The following BEND6 variants were observed in gnomAD, a reference collection of about 807,000 sequenced individuals.
The protein encoded by BEND6 is BEN domain containing 6.
Under a neutral mutation model 31.8 loss-of-function variants are expected in BEND6, and 24 were observed. The observed-to-expected ratio is 0.75, with a 90% CI of 0.55 to 1.06. The LOEUF (loss-of-function observed/expected upper bound fraction) is 1.06. Among genes scored for constraint, BEND6 ranks in the 50% least tolerant of loss-of-function variants. The pLI is 0.00. For missense variants in BEND6, 294 were observed against 327.4 expected (o/e 0.90, Z 0.79); for synonymous variants, 109 against 114.6 (o/e 0.95, Z 0.31).
chr6:57,003,712 G>GCAAAGA (rs1421026423), intron 3 of BEND6, among the ~76,000 whole-genome samples: 2 of 152,074 alleles, frequency 1.3e-5, no homozygotes, highest in Non-Finnish European at 2.9e-5. Flanking sequence ...CCAAAACTTT[G>GCAAAGA]CAAAGACACA....
In BEND6 at chr6:57,025,925, G is replaced by T. The variant is rs544178141; in HGVS notation, c.*10-157G>T. 3.7e-4 allele frequency among the ~76,000 whole-genome samples: 57 copies of T among 152,090 alleles called. 1 individual carries two copies. The highest frequency in any genetic ancestry group is 1.3e-3 in the African/African-American group (52 of 41,482). Reference sequence around the variant, plus strand: ...CTGTGATAGGGAGTGAAGCCAGCTTGCTTCTACACTGCTATTTTGGAACCA... The same window carrying T: ...CTGTGATAGGGAGTGAAGCCAGCTTTCTTCTACACTGCTATTTTGGAACCA... On this transcript the variant is annotated intron_variant, in intron 6 of 6. Transcript: ENST00000370746.
At chr6:57,016,874 A>G (rs898444826) in intron 4 of BEND6, among the ~76,000 whole-genome samples, 5 of 152,178 alleles carry the variant, frequency 3.3e-5, no homozygotes, top group Admixed American at 6.5e-5. Flanking sequence ...TCAGAGGGCC[A>G]TTATTCTGCC....
At chr6:56,973,725 C>T (rs1202903412) in intron 1 of BEND6, among the ~76,000 whole-genome samples, 1 of 152,156 alleles carries the variant, frequency 6.6e-6, no homozygotes, top group African/African-American at 2.4e-5. Context: ...TCTCATCATG[C>T]TACTTGGGAT....
At chr6:56,968,906 T>C (rs980056303) in intron 1 of BEND6, among the ~76,000 whole-genome samples, 12 of 151,822 alleles carry the variant, frequency 7.9e-5, no homozygotes, top group Non-Finnish European at 1.6e-4. Flanking sequence ...AAACCCCGTC[T>C]CTAATAAAAA....
chr6:56,997,891 T>C (rs1281166481), intron 3 of BEND6, among the ~76,000 whole-genome samples: 3 of 152,072 alleles, frequency 2.0e-5, no homozygotes, highest in East Asian at 1.9e-4. Context: ...GTCCCTACTA[T>C]GTGAAAGGGA....
chr6:57,003,425 C>T (rs759351432), intron 3 of BEND6, among the ~76,000 whole-genome samples: 15 of 152,014 alleles, frequency 9.9e-5, no homozygotes, highest in Non-Finnish European at 1.3e-4. Context: ...TGCTTGAGCC[C>T]GAGAGATGGA....
intron 3 of BEND6, among the ~76,000 whole-genome samples, chr6:56,993,219 T>C (rs1826575975): frequency 6.6e-6 from 1 of 152,234 alleles, no homozygotes; most frequent in Non-Finnish European, 1.5e-5. Flanking sequence ...GTGTTTATTT[T>C]TTCAAAAATT....
chr6:56,966,550 A>G (rs778550228), intron 1 of BEND6, among the ~76,000 whole-genome samples: 8 of 152,358 alleles, frequency 5.3e-5, no homozygotes, highest in South Asian at 2.1e-4. Context: ...TTCTTGTGCA[A>G]ATTTTCAGAT....
chr6:57,014,363 C>A, intron 3 of BEND6: 1 of 585,614 alleles, frequency 1.7e-6, no homozygotes, highest in Non-Finnish European at 2.7e-6. Context: ...AGTTTTTTCA[C>A]CTCTCCAGCA....
intron 3 of BEND6, among the ~76,000 whole-genome samples, chr6:56,996,470 CA>C (rs201812493): frequency 3.3e-5 from 5 of 150,166 alleles, no homozygotes; most frequent in African/African-American, 2.4e-5. Context: ...AAAACAAAAA[CA>C]AAAAAAAACA....
chr6:56,987,700 T>C (rs1826334105), intron 2 of BEND6, among the ~76,000 whole-genome samples: 2 of 152,200 alleles, frequency 1.3e-5, no homozygotes, highest in South Asian at 4.1e-4. Context: ...TGTCTTTTCT[T>C]TTACTGGGCA....
chr6:56,958,907 A>AG, intron 1 of BEND6, among the ~76,000 whole-genome samples: 1 of 152,242 alleles, frequency 6.6e-6, no homozygotes, highest in East Asian at 1.9e-4. Flanking sequence ...TAATGAGTTG[A>AG]GGGGGGAATG....
chr6:56,988,493 T>G (rs1028416299), intron 2 of BEND6, among the ~76,000 whole-genome samples: 4 of 152,168 alleles, frequency 2.6e-5, no homozygotes, highest in Non-Finnish European at 5.9e-5. Flanking sequence ...ATGATAAAAA[T>G]GATTATTGAA....
intron 3 of BEND6, among the ~76,000 whole-genome samples, chr6:57,006,689 A>G (rs1221574651): frequency 3.3e-5 from 5 of 152,252 alleles, no homozygotes; most frequent in African/African-American, 1.2e-4. Context: ...ATTGAATGCA[A>G]TTCCTATCAA....
intron 3 of BEND6, chr6:57,009,783 T>C (rs1208606670): frequency 2.6e-5 from 4 of 152,194 alleles, no homozygotes; most frequent in Admixed American, 6.5e-5. Flanking sequence ...TGTATTGATA[T>C]ATGTTTAATG....
intron 4 of BEND6, among the ~76,000 whole-genome samples, chr6:57,015,789 C>T (rs1328659712): frequency 7.0e-6 from 1 of 142,116 alleles, no homozygotes; most frequent in African/African-American, 2.6e-5. Flanking sequence ...CCAGCCTGGG[C>T]GACAGAGCGA....
chr6:57,011,847 C>T (rs1202270229), intron 3 of BEND6, among the ~76,000 whole-genome samples: 2 of 151,670 alleles, frequency 1.3e-5, no homozygotes, highest in South Asian at 2.1e-4. Context: ...GTTACAGGAC[C>T]GGGCATGGTG....
chr6:57,014,458 T>C (rs1181769759), intron 3 of BEND6: 9 of 1,495,052 alleles, frequency 6.0e-6, no homozygotes, highest in Non-Finnish European at 8.1e-6. Flanking sequence ...TTATTTGTCC[T>C]TAGGAAACAA....
intron 3 of BEND6, among the ~76,000 whole-genome samples, chr6:57,005,687 A>C (rs553620586): frequency 7.4e-4 from 113 of 152,158 alleles, no homozygotes; most frequent in African/African-American, 2.7e-3. Context: ...TAAAAAAAAA[A>C]AAAAACAAAG....
Sources: gnomAD v4.1 joint callset for allele counts (sites outside exome capture counted in the v4.1 genomes callset) on GRCh38, gnomAD v4.1.1 for gene constraint, MANE v1.5 for transcripts, NCBI Gene and HGNC (gene_info 2026-07-23, HGNC 2026-07-21) for gene names.